ZNF423: variants seen among roughly 807,000 people sequenced by gnomAD.
The protein encoded by ZNF423 is Ebf-associated zinc finger protein.
In ZNF423, 12 loss-of-function variants were observed where a neutral mutation model predicts 95.8. The ratio of observed to expected loss-of-function variants is 0.13; its 90% confidence interval spans 0.08 to 0.20. The LOEUF (loss-of-function observed/expected upper bound fraction) is 0.20. ZNF423 is among the 10% of genes least tolerant of loss of function. The probability of loss-of-function intolerance (pLI) is 1.00; values close to 1 mark genes in which losing one functional copy is unlikely to be tolerated. For missense variants in ZNF423, 1,316 were observed against 1,737.1 expected (o/e 0.76, Z 4.31); for synonymous variants, 749 against 711.9 (o/e 1.05, Z -0.83).
At chr16:49,789,363 TG>T in intron 2 of ZNF423, 123 bp downstream of exon 2, 1 of 875,348 alleles carries the variant, frequency 1.1e-6, no homozygotes. Flanking sequence ...TGGGGTAGTC[TG>T]GATTGGAGGC....
intron 5 of ZNF423, among the ~76,000 whole-genome samples, chr16:49,601,012 G>A (rs548406374): frequency 6.6e-6 from 1 of 152,300 alleles, no homozygotes; most frequent in South Asian, 2.1e-4. Context: ...AAAAAATGGG[G>A]ACTATTAATC....
intron 5 of ZNF423, among the ~76,000 whole-genome samples, chr16:49,571,007 G>A (rs1248744127): frequency 6.6e-6 from 1 of 152,214 alleles, no homozygotes; most frequent in Non-Finnish European, 1.5e-5. Flanking sequence ...CAGGAGGGCT[G>A]GATGGACAGA....
intron 1 of ZNF423, among the ~76,000 whole-genome samples, chr16:49,831,267 T>A (rs937555589): frequency 6.6e-6 from 1 of 152,204 alleles, no homozygotes. Flanking sequence ...CAGTGAAATC[T>A]TTCTTTATTC....
intron 3 of ZNF423, among the ~76,000 whole-genome samples, chr16:49,679,168 CT>C (rs1019376848): frequency 6.6e-6 from 1 of 152,230 alleles, no homozygotes; most frequent in African/African-American, 2.4e-5. Flanking sequence ...TCTTGAACCC[CT>C]GGGATCAAGA....
intron 5 of ZNF423, among the ~76,000 whole-genome samples, chr16:49,620,174 A>ACACATACACAT (rs1972017133): frequency 6.7e-6 from 1 of 149,010 alleles, no homozygotes; most frequent in African/African-American, 2.5e-5. Flanking sequence ...ACACACACAC[A>ACACATACACAT]ACACACACAT....
At chr16:49,779,339 C>T (rs2034171646) in intron 2 of ZNF423, among the ~76,000 whole-genome samples, 2 of 151,892 alleles carry the variant, frequency 1.3e-5, no homozygotes, top group African/African-American at 4.8e-5. Flanking sequence ...TCAGGGCTAT[C>T]ATGGGAAACT....
chr16:49,593,947 G>A (rs2151820858), intron 5 of ZNF423, among the ~76,000 whole-genome samples: 1 of 152,236 alleles, frequency 6.6e-6, no homozygotes, highest in East Asian at 1.9e-4. Context: ...GAACCCGCAG[G>A]TTCCCCAGAG....
intron 7 of ZNF423, among the ~76,000 whole-genome samples, chr16:49,518,825 C>T (rs926848973): frequency 1.3e-5 from 2 of 152,160 alleles, no homozygotes. Flanking sequence ...GAAGCCAAGG[C>T]GGGAGGATTG....
intron 5 of ZNF423, among the ~76,000 whole-genome samples, chr16:49,607,753 C>T (rs543883399): frequency 1.3e-5 from 2 of 152,316 alleles, no homozygotes; most frequent in South Asian, 2.1e-4. Flanking sequence ...TTATTTGCCT[C>T]GAAATCTCAG....
At chr16:49,842,958 A>G (rs2035205942) in intron 1 of ZNF423, among the ~76,000 whole-genome samples, 1 of 150,778 alleles carries the variant, frequency 6.6e-6, no homozygotes, top group Non-Finnish European at 1.5e-5. Context: ...CAGCCTGGCA[A>G]CAGAGCAAGA....
intron 1 of ZNF423, among the ~76,000 whole-genome samples, chr16:49,821,361 G>C (rs2034938151): frequency 6.6e-6 from 1 of 152,118 alleles, no homozygotes. Context: ...GGGAGGCAAT[G>C]CAATTATTTA....
chr16:49,506,620 A>G (rs1967653802), intron 7 of ZNF423, among the ~76,000 whole-genome samples: 2 of 147,510 alleles, frequency 1.4e-5, no homozygotes, highest in Non-Finnish European at 3.0e-5. Flanking sequence ...AGATGGATGG[A>G]TGGATAGATG....
At chr16:49,763,157 T>C (rs1413525571) in intron 2 of ZNF423, among the ~76,000 whole-genome samples, 1 of 152,316 alleles carries the variant, frequency 6.6e-6, no homozygotes, top group Non-Finnish European at 1.5e-5. Context: ...CGTGAGTCAC[T>C]GTGCCCAGCA....
At chr16:49,851,613 C>T (rs1319211489) in intron 1 of ZNF423, among the ~76,000 whole-genome samples, 1 of 152,232 alleles carries the variant, frequency 6.6e-6, no homozygotes, top group Non-Finnish European at 1.5e-5. Context: ...TAGCATGCCA[C>T]AACATTGCCA....
chr16:49,491,241 C>G lies in ZNF423; in HGVS notation c.*34G>C, dbSNP rs770872541. 6 of 1,613,788 alleles carry G rather than the reference C, an allele frequency of 3.7e-6. No individual in the cohort carries two copies. The highest frequency in any genetic ancestry group is 2.2e-5 in the East Asian group (1 of 44,894). ...CCCTCCCCACGGCGTCTCCGGCAAGCCTTCTGCGGAGAGGTGTCCTGTTGA... is the reference window on the plus strand; with the variant it reads ...CCCTCCCCACGGCGTCTCCGGCAAGGCTTCTGCGGAGAGGTGTCCTGTTGA... On this transcript the variant is annotated 3_prime_UTR_variant, in exon 8 of 8. Coordinates refer to ENST00000563137, the MANE Select transcript of ZNF423 (RefSeq NM_001379286.1).
At chr16:49,677,257 A>G (rs1259361872) in intron 3 of ZNF423, among the ~76,000 whole-genome samples, 1 of 43,460 alleles carries the variant, frequency 2.3e-5, no homozygotes, top group East Asian at 1.0e-3. Flanking sequence ...ATAAGAGAAG[A>G]GAAGAGAAGA....
chr16:49,694,160 A>T (rs1483674159), intron 3 of ZNF423, among the ~76,000 whole-genome samples: 1 of 152,194 alleles, frequency 6.6e-6, no homozygotes, highest in East Asian at 1.9e-4. Flanking sequence ...TGCTTAATAG[A>T]TACTTAGTGA....
chr16:49,632,126 T>C (rs1193900783), intron 4 of ZNF423, among the ~76,000 whole-genome samples: 1 of 152,178 alleles, frequency 6.6e-6, no homozygotes, highest in Non-Finnish European at 1.5e-5. Context: ...GATCAATGGA[T>C]GGCCAGGGTC....
intron 3 of ZNF423, among the ~76,000 whole-genome samples, chr16:49,641,665 T>C (rs1400780672): frequency 2.0e-5 from 3 of 152,178 alleles, no homozygotes; most frequent in Non-Finnish European, 4.4e-5. Flanking sequence ...CTCTATGAAT[T>C]CATCCATGCC....
Sources: gnomAD v4.1 joint callset for allele counts (sites outside exome capture counted in the v4.1 genomes callset) on GRCh38, gnomAD v4.1.1 for gene constraint, MANE v1.5 for transcripts, NCBI Gene and HGNC (gene_info 2026-07-23, HGNC 2026-07-21) for gene names.